Variants in PPP4R2 observed in about 807,000 individuals in gnomAD.
The protein encoded by PPP4R2 is serine/threonine-protein phosphatase 4 regulatory subunit 2.
PPP4R2 carries 13 observed loss-of-function variants against 47.2 expected under a neutral mutation model. The observed-to-expected ratio is 0.28, with a 90% CI of 0.18 to 0.44. The LOEUF (loss-of-function observed/expected upper bound fraction) is 0.44, where lower values mean the gene tolerates loss of function less well. PPP4R2 is among the 20% of genes least tolerant of loss of function. PPP4R2 has a pLI of 1.00. For missense variants in PPP4R2, 421 were observed against 491.2 expected (o/e 0.86, Z 1.35); for synonymous variants, 151 against 163.3 (o/e 0.92, Z 0.57).
At chr3:73,057,695 G>A (rs1702754959) in intron 3 of PPP4R2, among the ~76,000 whole-genome samples, 1 of 152,004 alleles carries the variant, frequency 6.6e-6, no homozygotes, top group Admixed American at 6.6e-5. Flanking sequence ...GAATAGTATT[G>A]ACACAAAGAA....
chr3:73,021,233 ATTT>A (rs1225973970), intron 2 of PPP4R2, among the ~76,000 whole-genome samples: 1 of 56,038 alleles, frequency 1.8e-5, no homozygotes. Flanking sequence ...TTAAAAAAAA[ATTT>A]TTTTTTTTTT....
intron 2 of PPP4R2, among the ~76,000 whole-genome samples, chr3:73,027,512 C>A (rs1330658431): frequency 6.6e-6 from 1 of 152,140 alleles, no homozygotes; most frequent in Non-Finnish European, 1.5e-5. Context: ...TTTGTTTTTT[C>A]TACTGTAGAT....
intron 4 of PPP4R2, among the ~76,000 whole-genome samples, chr3:73,060,432 C>T (rs144223437): frequency 1.4e-3 from 211 of 152,212 alleles, no homozygotes; most frequent in African/African-American, 2.3e-3. Context: ...TGACCTTGGG[C>T]CAGTTAGTTT....
intron 3 of PPP4R2, among the ~76,000 whole-genome samples, chr3:73,051,980 G>A (rs923487667): frequency 3.9e-5 from 6 of 152,102 alleles, no homozygotes; most frequent in African/African-American, 1.4e-4. Flanking sequence ...TTGTTTACTT[G>A]ATTTCCTGAA....
chr3:73,028,423 C>T (rs1431197999), intron 2 of PPP4R2, among the ~76,000 whole-genome samples: 1 of 151,894 alleles, frequency 6.6e-6, no homozygotes, highest in Non-Finnish European at 1.5e-5. Context: ...ATAAGGGAGT[C>T]AGCCGTGCAA....
intron 2 of PPP4R2, among the ~76,000 whole-genome samples, chr3:73,012,008 G>A (rs970775984): frequency 5.3e-5 from 8 of 152,140 alleles, no homozygotes; most frequent in South Asian, 2.1e-4. Flanking sequence ...GAGGAAGGGG[G>A]AGAGTGAGGT....
intron 3 of PPP4R2, among the ~76,000 whole-genome samples, chr3:73,050,802 G>A (rs1307147551): frequency 6.6e-6 from 1 of 152,186 alleles, no homozygotes; most frequent in African/African-American, 2.4e-5. Flanking sequence ...CCTGATTGAT[G>A]GTAGGCATTT....
rs534798966 is a variant in PPP4R2, at chr3:73,063,318, TAA to T, written c.420-334_420-333del. 454 of 91,942 alleles carry T rather than the reference TAA, an allele frequency of 4.9e-3. 4 individuals carry two copies. Among genetic ancestry groups the T allele is most frequent in the East Asian group, 0.037 (116 of 3,112 alleles). The allele number at this position is 91,942 out of a possible 1,614,324, so 5.7% of individuals were successfully genotyped here. ...CTAACATGAACTAATTCTCATTATT[TAA>T]AAAAAAAAAAAAAAAAAAAAGTCCA... On this transcript the variant is annotated intron_variant, in intron 5 of 8. Transcript: ENST00000356692.
chr3:73,012,813 C>G (rs1701751336), intron 2 of PPP4R2, among the ~76,000 whole-genome samples: 2 of 150,730 alleles, frequency 1.3e-5, no homozygotes, highest in Non-Finnish European at 1.5e-5. Flanking sequence ...GATTTGTTAA[C>G]TGGAGACTGG....
chr3:73,040,003 G>A (rs1383445093), intron 2 of PPP4R2, among the ~76,000 whole-genome samples: 1 of 152,102 alleles, frequency 6.6e-6, no homozygotes, highest in Admixed American at 6.5e-5. Context: ...GTAGTGAGCC[G>A]AGATCGCCAT....
Position 73,061,985 on chromosome 3 carries a change from T to G in PPP4R2, c.419+925T>G, listed in dbSNP as rs371900780. 58 of 818,426 alleles carry G rather than the reference T, an allele frequency of 7.1e-5. 1 individual carries two copies. The highest frequency in any genetic ancestry group is 4.1e-4 in the African/African-American group (23 of 56,664). The allele number at this position is 818,426 out of a possible 1,614,324, so 50.7% of individuals were successfully genotyped here. On this transcript the variant is annotated intron_variant, in intron 5 of 8. Transcript: ENST00000356692. ...TTAAAATGTATACATGATAAAAATT[T>G]CTTTTATGAAGCAAAATATGTTTTG...
At chr3:73,045,407 T>C (rs1206646987) in intron 2 of PPP4R2, among the ~76,000 whole-genome samples, 1 of 152,214 alleles carries the variant, frequency 6.6e-6, no homozygotes, top group East Asian at 1.9e-4. Flanking sequence ...TCCAGACTTT[T>C]AGTTTTTTGC....
chr3:72,998,478 A>T (rs1166878656), intron 2 of PPP4R2, among the ~76,000 whole-genome samples: 2 of 152,176 alleles, frequency 1.3e-5, no homozygotes, highest in African/African-American at 4.8e-5. Flanking sequence ...CTTTTTGGCC[A>T]TAACAAATAG....
intron 2 of PPP4R2, among the ~76,000 whole-genome samples, chr3:73,009,126 A>G (rs1367494782): frequency 1.3e-5 from 2 of 152,302 alleles, no homozygotes; most frequent in East Asian, 3.9e-4. Context: ...TTCCTCAGAT[A>G]CTAAATGAGA....
chr3:73,024,807 A>C (rs889988066), intron 2 of PPP4R2, among the ~76,000 whole-genome samples: 3 of 152,200 alleles, frequency 2.0e-5, no homozygotes, highest in African/African-American at 7.2e-5. Context: ...GCTTCCAAGC[A>C]GCACAACTGA....
intron 2 of PPP4R2, among the ~76,000 whole-genome samples, chr3:73,004,026 G>A (rs952207575): frequency 6.6e-6 from 1 of 150,988 alleles, no homozygotes; most frequent in Admixed American, 6.6e-5. Context: ...AGTAGAGATG[G>A]GGTTTCATCG....
chr3:73,023,385 C>T (rs1701998934), intron 2 of PPP4R2, among the ~76,000 whole-genome samples: 1 of 152,088 alleles, frequency 6.6e-6, no homozygotes, highest in Non-Finnish European at 1.5e-5. Context: ...AGGGTTTCTC[C>T]ATGTTGGTCA....
chr3:73,056,930 G>A (rs961433770), intron 3 of PPP4R2, among the ~76,000 whole-genome samples: 4 of 152,154 alleles, frequency 2.6e-5, no homozygotes, highest in Non-Finnish European at 5.9e-5. Flanking sequence ...ATAATGACTA[G>A]ACAGTATTTT....
At chr3:73,062,104 A>T (rs767517048) in intron 5 of PPP4R2, 2 of 1,543,636 alleles carry the variant, frequency 1.3e-6, no homozygotes, top group Non-Finnish European at 1.7e-6. Flanking sequence ...CTTAAATTGT[A>T]TGCTTATGTT....
Sources: gnomAD v4.1 joint callset for allele counts (sites outside exome capture counted in the v4.1 genomes callset) on GRCh38, gnomAD v4.1.1 for gene constraint, MANE v1.5 for transcripts, NCBI Gene and HGNC (gene_info 2026-07-23, HGNC 2026-07-21) for gene names.